KIF26B: variants seen among roughly 807,000 people sequenced by gnomAD.
KIF26B encodes the protein kinesin-like protein KIF26B.
In KIF26B, 63 loss-of-function variants were observed where a neutral mutation model predicts 151.2. That is an observed-to-expected ratio of 0.42 (90% confidence interval 0.34 to 0.51). The LOEUF (loss-of-function observed/expected upper bound fraction) is 0.51, where lower values mean the gene tolerates loss of function less well. Among genes scored for constraint, KIF26B ranks in the 20% least tolerant of loss-of-function variants. The probability of loss-of-function intolerance (pLI) is 0.07; values close to 1 mark genes in which losing one functional copy is unlikely to be tolerated. For missense variants in KIF26B, 2,813 were observed against 2,913.6 expected, an observed-to-expected ratio of 0.97 and a Z score of 0.79; for synonymous variants, 1,357 against 1,262.1, an observed-to-expected ratio of 1.08 and a Z score of -1.59.
In KIF26B at chr1:245,338,818, G is replaced by A. The variant is rs1392843040; in HGVS notation, c.466-28016G>A. 5.9e-5 allele frequency among the ~76,000 whole-genome samples: 9 copies of A among 152,178 alleles called. No individual in the cohort carries two copies. The East Asian group carries it at 1.4e-3, about 23-fold the overall frequency. On this transcript the variant is annotated intron_variant, in intron 2 of 14. Transcript: ENST00000407071. ...CCCCAAAATAGCTCCTTGAGTAGAG[G>A]TGCATCGATCACCCCCAAAGCTTAC...
intron 2 of KIF26B, among the ~76,000 whole-genome samples, chr1:245,245,706 G>T (rs1019597274): frequency 2.0e-5 from 3 of 152,256 alleles, no homozygotes; most frequent in African/African-American, 7.2e-5. Flanking sequence ...GCCGAGGCGG[G>T]TGGATCACGA....
At chr1:245,415,923 A>C (rs893743246) in intron 3 of KIF26B, among the ~76,000 whole-genome samples, 2 of 152,000 alleles carry the variant, frequency 1.3e-5, no homozygotes, top group African/African-American at 2.4e-5. Context: ...CCAAAACACT[A>C]TCCTTTGACA....
intron 2 of KIF26B, among the ~76,000 whole-genome samples, chr1:245,221,377 TAAAAAA>T (rs74163026): frequency 2.3e-5 from 3 of 132,032 alleles, no homozygotes; most frequent in Admixed American, 7.7e-5. Context: ...AAGTTTGAAG[TAAAAAA>T]AAAAAAAAAA....
intron 5 of KIF26B, among the ~76,000 whole-genome samples, chr1:245,553,523 G>GT (rs951776612): frequency 2.6e-5 from 4 of 152,250 alleles, no homozygotes; most frequent in African/African-American, 9.6e-5. Context: ...TCACTGTGTT[G>GT]TTTTATATAT....
At chr1:245,357,553 G>A (rs542460901) in intron 2 of KIF26B, among the ~76,000 whole-genome samples, 1 of 152,214 alleles carries the variant, frequency 6.6e-6, no homozygotes, top group East Asian at 1.9e-4. Context: ...CCAGTGAATG[G>A]TACACATTTA....
At position 245,191,083 on chromosome 1, in the gene KIF26B, AAAAAG is replaced by A. The variant is rs1297749626; in HGVS notation, c.465+34402_465+34406del. ...TCAAAAAAAAAAAAAAAAAAAAAAAAAAAAGAGATAAGAACCAGATATGCATAAAT... is the reference window on the plus strand; with the variant it reads ...TCAAAAAAAAAAAAAAAAAAAAAAAAAGATAAGAACCAGATATGCATAAAT... On this transcript the variant is annotated intron_variant, in intron 2 of 14. Coordinates refer to ENST00000407071, the MANE Select transcript of KIF26B (RefSeq NM_018012.4). 7.3e-5 allele frequency among the ~76,000 whole-genome samples: 11 copies of A among 151,118 alleles called. No individual in the cohort carries two copies. The South Asian group carries it at 1.0e-3, about 14-fold the overall frequency.
intron 9 of KIF26B, among the ~76,000 whole-genome samples, chr1:245,625,026 CTAT>C (rs2043708711): frequency 6.6e-6 from 1 of 151,960 alleles, no homozygotes; most frequent in African/African-American, 2.4e-5. Context: ...TTGTAAAAAG[CTAT>C]TATTTCTCTA....
rs184553147 is a variant in KIF26B at position 245,364,663 on chromosome 1, G to A, written c.466-2171G>A. Among the ~76,000 whole-genome samples the A allele has an allele frequency of 1.1e-4, 16 of 151,952 alleles. 1 individual carries two copies. The highest frequency in any genetic ancestry group is 2.2e-4 in the African/African-American group (9 of 41,462). On this transcript the variant is annotated intron_variant, in intron 2 of 14. Coordinates refer to ENST00000407071, the MANE Select transcript of KIF26B (RefSeq NM_018012.4). Reference sequence around the variant, plus strand: ...TCTCGATCTCCTGACCTTGTGATCCGCCTGCCTCGGCCTCCCAAAGTGCTG... The same window carrying A: ...TCTCGATCTCCTGACCTTGTGATCCACCTGCCTCGGCCTCCCAAAGTGCTG...
intron 4 of KIF26B, among the ~76,000 whole-genome samples, chr1:245,473,928 ATAATT>A (rs762011340): frequency 8.6e-5 from 13 of 151,912 alleles, no homozygotes; most frequent in Admixed American, 3.9e-4. Flanking sequence ...GGTGCATGTG[ATAATT>A]TAATACGTTC....
chr1:245,396,504 C>T (rs1356769657), intron 3 of KIF26B, among the ~76,000 whole-genome samples: 3 of 152,012 alleles, frequency 2.0e-5, no homozygotes, highest in Non-Finnish European at 2.9e-5. Flanking sequence ...GGAGTGGTGA[C>T]AGGCGCCTGT....
At chr1:245,267,995 A>G (rs923994501) in intron 2 of KIF26B, among the ~76,000 whole-genome samples, 1 of 152,134 alleles carries the variant, frequency 6.6e-6, no homozygotes, top group African/African-American at 2.4e-5. Context: ...AAGATCCTTA[A>G]AGACTGGCAA....
At chr1:245,550,927 C>T (rs1217534674) in intron 5 of KIF26B, among the ~76,000 whole-genome samples, 1 of 152,160 alleles carries the variant, frequency 6.6e-6, no homozygotes, top group East Asian at 1.9e-4. Flanking sequence ...TGGCCATGTG[C>T]CCCTTTCCCT....
intron 2 of KIF26B, among the ~76,000 whole-genome samples, chr1:245,179,585 A>ACT (rs1434719579): frequency 2.0e-5 from 3 of 152,214 alleles, no homozygotes; most frequent in Non-Finnish European, 4.4e-5. Context: ...AGATCACGCC[A>ACT]CTGCACTCCA....
rs564312910 is a variant in KIF26B, at chr1:245,612,006, C to G, written c.2098+30C>G. On this transcript the variant is annotated intron_variant, in intron 9 of 14. Transcript: ENST00000407071. Reference sequence around the variant, plus strand: ...GTCGGCCACTCCACCCTCCTGCCTCCTTAGCGGCTCTGGCCCCAGCCAGAA... The same window carrying G: ...GTCGGCCACTCCACCCTCCTGCCTCGTTAGCGGCTCTGGCCCCAGCCAGAA... 8 of 1,603,376 alleles carry G rather than the reference C, an allele frequency of 5.0e-6. 1 individual carries two copies. The highest frequency in any genetic ancestry group is 3.3e-4 in the Middle Eastern group (2 of 6,032).
chr1:245,614,410 T>A (rs2043562440), intron 9 of KIF26B, among the ~76,000 whole-genome samples: 1 of 152,196 alleles, frequency 6.6e-6, no homozygotes, highest in Non-Finnish European at 1.5e-5. Flanking sequence ...CCTGACCTCG[T>A]GATCCACCCG....
At chr1:245,473,680 A>T (rs1317869652) in intron 4 of KIF26B, among the ~76,000 whole-genome samples, 1 of 151,948 alleles carries the variant, frequency 6.6e-6, no homozygotes, top group African/African-American at 2.4e-5. Flanking sequence ...TCAAAAATAT[A>T]CTTGAAATAC....
chr1:245,455,725 C>G (rs1261721409), intron 4 of KIF26B, among the ~76,000 whole-genome samples: 1 of 152,076 alleles, frequency 6.6e-6, no homozygotes, highest in Non-Finnish European at 1.5e-5. Context: ...AGAGGCTGAC[C>G]CTTGCCCTGA....
chr1:245,225,899 T>G (rs1669864460), intron 2 of KIF26B: 1 of 152,246 alleles, frequency 6.6e-6, no homozygotes, highest in African/African-American at 2.4e-5. Context: ...ATGGTCTGGC[T>G]TCCCTTAAAA....
At position 245,564,772 on chromosome 1, in the gene KIF26B, T is replaced by C. The variant is rs1715776; in HGVS notation, c.1350+23822T>C. ...ACGGACCAAGGGTGGTGGTGGGGGA[T>C]GATGATTTCAGGAAGATTCCAGTGC... On this transcript the variant is annotated intron_variant, in intron 5 of 14. Coordinates refer to ENST00000407071, the MANE Select transcript of KIF26B (RefSeq NM_018012.4). The surrounding 1 kb of genome is among the most constrained non-coding windows in gnomAD (Gnocchi z 4.6). Among the ~76,000 whole-genome samples, 72,556 of 151,508 alleles carry C rather than the reference T, an allele frequency of 0.48. 19,678 individuals are homozygous for C. The highest frequency in any genetic ancestry group is 0.76 in the African/African-American group (31,189 of 41,224).
Sources: allele counts gnomAD v4.1 joint callset (sites outside exome capture counted in the v4.1 genomes callset), GRCh38; gene constraint gnomAD v4.1.1; non-coding constraint Gnocchi (gnomAD v3.1); transcripts MANE v1.5; gene names NCBI Gene and HGNC (gene_info 2026-07-23, HGNC 2026-07-21).